Variants in ATP2A2 observed in about 807,000 individuals in gnomAD.
ATP2A2 encodes the protein ATPase sarcoplasmic/endoplasmic reticulum Ca2+ transporting 2.
ATP2A2 carries 14 observed loss-of-function variants against 109.3 expected under a neutral mutation model. That is an observed-to-expected ratio of 0.13 (90% confidence interval 0.08 to 0.20). The LOEUF (loss-of-function observed/expected upper bound fraction) is 0.20. ATP2A2 is among the 10% of genes least tolerant of loss of function. The pLI is 1.00. For synonymous variants in ATP2A2, 506 were observed against 490.9 expected (o/e 1.03, Z -0.41); for missense variants, 657 against 1,321.6 (o/e 0.50, Z 7.80).
In ATP2A2 at chr12:110,339,645, C is replaced by T; in HGVS notation, c.1685C>T (p.Ala562Val). Residue 562 changes from alanine (A) to valine (V), a missense_variant, in exon 13 of 20, where the codon GCC (alanine) becomes GTC (valine). By Grantham distance (64) the Ala-to-Val change is moderately conservative. Coordinates refer to ENST00000539276, the MANE Select transcript of ATP2A2 (RefSeq NM_170665.4). The surrounding 1 kb of genome is among the most constrained non-coding windows in gnomAD (Gnocchi z 4.4). ...GSGSDTLRCLALATHDNPLRR... is the reference protein window; with the variant it reads ...GSGSDTLRCLVLATHDNPLRR... ...GGCAGCGACACACTGCGATGCCTGG[C>T]CCTGGCCACTCATGACAACCCACTG... The T allele has an allele frequency of 1.9e-6, 3 of 1,614,080 alleles. No individual in the cohort carries two copies. The highest frequency in any genetic ancestry group is 2.5e-6 in the Non-Finnish European group (3 of 1,180,034).
intron 18 of ATP2A2, 142 bp from the exon 19 acceptor site, chr12:110,345,859 A>G (rs1879796736): frequency 1.2e-6 from 1 of 827,278 alleles, no homozygotes; most frequent in Admixed American, 1.9e-5. Context: ...CAACTTTGCC[A>G]CTGTAGAAAG....
At chr12:110,338,639 G>T (rs1879066593) in intron 11 of ATP2A2, among the ~76,000 whole-genome samples, 1 of 152,092 alleles carries the variant, frequency 6.6e-6, no homozygotes, top group Admixed American at 6.5e-5. Flanking sequence ...TTGTAGACAG[G>T]GTTTCACCAT....
In ATP2A2 at chr12:110,339,442, G is replaced by A. The variant is rs750709657; in HGVS notation, c.1542+39G>A. ...ATTGCAATTGAGATGTTCTTGCCAG[G>A]GTTAAGATCCCGGTGAACCAATAAA... On this transcript the variant is annotated intron_variant, in intron 12 of 19. Coordinates refer to ENST00000539276, the MANE Select transcript of ATP2A2 (RefSeq NM_170665.4). The surrounding 1 kb of genome is among the most constrained non-coding windows in gnomAD (Gnocchi z 4.4). The A allele has an allele frequency of 3.5e-5, 57 of 1,613,980 alleles. No individual in the cohort carries two copies. Among genetic ancestry groups the A allele is most frequent in the African/African-American group, 8.0e-5 (6 of 74,896 alleles).
chr12:110,288,466 G>A (rs1450401740), intron 3 of ATP2A2, among the ~76,000 whole-genome samples: 7 of 151,304 alleles, frequency 4.6e-5, no homozygotes, highest in Non-Finnish European at 8.8e-5. Context: ...GTGCAATGGC[G>A]CGATCTCGGC....
chr12:110,300,969 C>T (rs750490678), intron 5 of ATP2A2, among the ~76,000 whole-genome samples: 33 of 152,082 alleles, frequency 2.2e-4, no homozygotes, highest in Admixed American at 1.0e-3. Context: ...ATGACATCAC[C>T]TAAATATGTG....
At chr12:110,286,633 A>C (rs1872689482) in intron 3 of ATP2A2, among the ~76,000 whole-genome samples, 1 of 151,448 alleles carries the variant, frequency 6.6e-6, no homozygotes, top group Non-Finnish European at 1.5e-5. Context: ...CCCAGAAATT[A>C]TCGTAACGTT....
chr12:110,294,417 T>C (rs1305098961), intron 4 of ATP2A2, among the ~76,000 whole-genome samples: 2 of 151,998 alleles, frequency 1.3e-5, no homozygotes, highest in Non-Finnish European at 2.9e-5. Flanking sequence ...ATCAGCAGTT[T>C]GGGAAGCTGA....
At chr12:110,333,910 A>AATAATGGCCTTACAGTGTTGTG in intron 10 of ATP2A2, 102 bp from the exon 11 acceptor site, 1 of 1,519,260 alleles carries the variant, frequency 6.6e-7, no homozygotes, top group Non-Finnish European at 9.1e-7. Flanking sequence ...ACAGTGTTGT[A>AATAATGGCCTTACAGTGTTGTG]ATAGAGGACA....
In ATP2A2 at chr12:110,347,749, T is replaced by C; in HGVS notation, c.*1279T>C. 2 of 1,083,980 alleles carry C rather than the reference T, an allele frequency of 1.8e-6. No homozygotes were observed. Among genetic ancestry groups the C allele is most frequent in the South Asian group, 5.1e-5 (2 of 38,912 alleles). The allele number at this position is 1,083,980 out of a possible 1,614,324, so 67.1% of individuals were successfully genotyped here. ...TGTGTAAGTCATTAACAGTCCTAAC[T>C]GTGGTGTTTTCCTCCAATGCCTTCC... On this transcript the variant is annotated 3_prime_UTR_variant, in exon 20 of 20. Transcript: ENST00000539276.
chr12:110,318,747 T>A (rs568272017), intron 5 of ATP2A2, among the ~76,000 whole-genome samples: 2 of 152,356 alleles, frequency 1.3e-5, no homozygotes, highest in East Asian at 3.9e-4. Flanking sequence ...GTTCTGGGAT[T>A]ACAGGCATAA....
intron 5 of ATP2A2, among the ~76,000 whole-genome samples, chr12:110,319,223 GAAAAAA>G (rs59623372): frequency 3.2e-5 from 2 of 63,452 alleles, no homozygotes; most frequent in African/African-American, 1.2e-4. Flanking sequence ...AATAAAAAAT[GAAAAAA>G]AAAAAAAAAA....
At position 110,285,342 on chromosome 12, in the gene ATP2A2, A is replaced by AC. The variant is rs918901823; in HGVS notation, c.219+2554dup. On this transcript the variant is annotated intron_variant, in intron 3 of 19. Transcript: ENST00000539276. ...GAAATTGCTTAATTTGACACTGAAGACCCCCCCTCTATCATTCACTTTATC... is the reference window on the plus strand; with the variant it reads ...GAAATTGCTTAATTTGACACTGAAGACCCCCCCCTCTATCATTCACTTTATC... 1.1e-4 allele frequency among the ~76,000 whole-genome samples: 16 copies of AC among 150,882 alleles called. No homozygotes were observed. In the East Asian group the frequency reaches 1.2e-3, roughly 11 times the overall value.
chr12:110,329,869 T>C (rs1312380568), intron 8 of ATP2A2: 1 of 152,264 alleles, frequency 6.6e-6, no homozygotes, highest in Non-Finnish European at 1.5e-5. Flanking sequence ...AACAACTTGG[T>C]ACAAGTCTAT....
intron 5 of ATP2A2, among the ~76,000 whole-genome samples, chr12:110,306,467 T>C (rs1427574653): frequency 6.6e-6 from 1 of 150,412 alleles, no homozygotes; most frequent in African/African-American, 2.5e-5. Context: ...TGAGTATAGA[T>C]GATGAGTATA....
intron 5 of ATP2A2, among the ~76,000 whole-genome samples, chr12:110,313,637 A>G (rs1293256764): frequency 1.3e-5 from 2 of 151,140 alleles, no homozygotes; most frequent in Non-Finnish European, 2.9e-5. Flanking sequence ...TTTCCTAAGC[A>G]TTAACACCAA....
intron 10 of ATP2A2, 55 bp downstream of exon 10, chr12:110,333,338 G>A (rs1247305513): frequency 6.7e-7 from 1 of 1,489,524 alleles, no homozygotes; most frequent in Non-Finnish European, 9.4e-7. Flanking sequence ...AGGGTGGGGT[G>A]GGTGGAATGA....
At chr12:110,344,207 C>G (rs1879625507) in intron 16 of ATP2A2, among the ~76,000 whole-genome samples, 1 of 152,132 alleles carries the variant, frequency 6.6e-6, no homozygotes, top group Non-Finnish European at 1.5e-5. Context: ...TCATGCTCCA[C>G]TGTAATTCGT....
rs1873995214 is a variant in ATP2A2, at chr12:110,296,685, G to A, written c.411G>A (p.Val137=). The change falls in exon 5 of 20, where the codon GTG becomes GTA. Residue 137 remains valine, a synonymous_variant. Coordinates refer to ENST00000539276, the MANE Select transcript of ATP2A2 (RefSeq NM_170665.4). ...TGTATCGACAGGACAGAAAGAGTGT[G>A]CAGCGGATTAAAGCTAAAGACATAG... ...GKVYRQDRKS[V]QRIKAKDIVP... is the part of the protein sequence containing the mutation. 1 of 1,614,132 alleles carries A rather than the reference G, an allele frequency of 6.2e-7. No homozygotes were observed. Among genetic ancestry groups the A allele is most frequent in the South Asian group, 1.1e-5 (1 of 91,080 alleles).
intron 5 of ATP2A2, among the ~76,000 whole-genome samples, chr12:110,302,613 A>G (rs1030863156): frequency 8.6e-5 from 13 of 150,462 alleles, no homozygotes; most frequent in Admixed American, 2.7e-4. Context: ...TATTATTACT[A>G]TTTTGAGACA....
Sources: gnomAD v4.1 joint callset for allele counts (sites outside exome capture counted in the v4.1 genomes callset) on GRCh38, gnomAD v4.1.1 for gene constraint, Gnocchi (gnomAD v3.1) non-coding constraint, MANE v1.5 for transcripts, NCBI Gene and HGNC (gene_info 2026-07-23, HGNC 2026-07-21) for gene names.